The following HPCAL1 variants were observed in gnomAD, a reference collection of about 807,000 sequenced individuals.
HPCAL1 encodes hippocalcin-like protein 1.
In HPCAL1, 8 loss-of-function variants were observed where a neutral mutation model predicts 17.1. The observed-to-expected ratio is 0.47, with a 90% CI of 0.27 to 0.84. The LOEUF is 0.84. Among genes scored for constraint, HPCAL1 ranks in the 40% least tolerant of loss-of-function variants. HPCAL1 has a pLI of 0.13. For missense variants in HPCAL1, 165 were observed against 271.1 expected, an observed-to-expected ratio of 0.61 and a Z score of 2.75; for synonymous variants, 112 against 111.4, an observed-to-expected ratio of 1.01 and a Z score of -0.03.
chr2:10,405,803 T>C (rs1181868546), intron 2 of HPCAL1, among the ~76,000 whole-genome samples: 1 of 152,202 alleles, frequency 6.6e-6, no homozygotes, highest in Non-Finnish European at 1.5e-5. Context: ...GGGCCACATC[T>C]AGAGGGACTG....
rs1357564285 is a variant in HPCAL1 at position 10,427,306 on chromosome 2, T to G, written c.*485T>G. On this transcript the variant is annotated 3_prime_UTR_variant, in exon 5 of 5. Coordinates refer to ENST00000307845, the MANE Select transcript of HPCAL1 (RefSeq NM_002149.4). ...CACAGCCGCTTGCACGTATAGATACTGTGGTCCCCTTTCTTTTAATATATA... is the reference window on the plus strand; with the variant it reads ...CACAGCCGCTTGCACGTATAGATACGGTGGTCCCCTTTCTTTTAATATATA... The G allele has an allele frequency of 6.3e-6, 1 of 159,424 alleles. No homozygotes were observed. The highest frequency in any genetic ancestry group is 1.8e-4 in the East Asian group (1 of 5,486). The allele number at this position is 159,424 out of a possible 1,614,324, so 9.9% of individuals were successfully genotyped here. A position where few individuals can be genotyped will look rare whatever the true frequency, so the allele number is the denominator to read the frequency against.
At chr2:10,391,845 G>T (rs1406718228) in intron 1 of HPCAL1, among the ~76,000 whole-genome samples, 1 of 152,064 alleles carries the variant, frequency 6.6e-6, no homozygotes, top group Non-Finnish European at 1.5e-5. Flanking sequence ...GCCCCTCCAG[G>T]TTTAAGCAGT....
intron 2 of HPCAL1, among the ~76,000 whole-genome samples, chr2:10,415,923 T>G (rs998816377): frequency 6.6e-6 from 1 of 152,188 alleles, no homozygotes; most frequent in African/African-American, 2.4e-5. Context: ...GCTGACTCAG[T>G]GGCCCCACAC....
At chr2:10,380,119 T>G (rs1667848162) in intron 1 of HPCAL1, among the ~76,000 whole-genome samples, 1 of 152,222 alleles carries the variant, frequency 6.6e-6, no homozygotes, top group African/African-American at 2.4e-5. Flanking sequence ...CTGAGTGTGT[T>G]GTGCAATTGT....
intron 1 of HPCAL1, among the ~76,000 whole-genome samples, chr2:10,373,589 GT>G (rs1252324040): frequency 6.6e-6 from 1 of 151,662 alleles, no homozygotes; most frequent in Non-Finnish European, 1.5e-5. Context: ...TTTGTTTTTT[GT>G]TTTTTTATGT....
intron 1 of HPCAL1, chr2:10,369,133 C>T (rs1424376543): frequency 6.6e-6 from 1 of 152,262 alleles, no homozygotes; most frequent in African/African-American, 2.4e-5. Flanking sequence ...AGGCTGAAAA[C>T]CCTGTGCCGG....
At position 10,399,548 on chromosome 2, in the gene HPCAL1, C is replaced by G. The variant is rs1270728825; in HGVS notation, c.-25+2628C>G. On this transcript the variant is annotated intron_variant, in intron 2 of 4. Transcript: ENST00000307845. ...CCGCCACTGCCACCGCCACCATCAC[C>G]GCCACCACTACCGCCACCGCCACCA... 1.4e-3 allele frequency among the ~76,000 whole-genome samples: 170 copies of G among 119,856 alleles called. 6 individuals are homozygous for G. The highest frequency in any genetic ancestry group is 6.1e-3 in the African/African-American group (160 of 26,224). 78.6% of individuals were successfully genotyped at this position (119,856 alleles called of 152,430 possible). A position where few individuals can be genotyped will look rare whatever the true frequency, so the allele number is the denominator to read the frequency against.
intron 1 of HPCAL1, among the ~76,000 whole-genome samples, chr2:10,393,998 C>T (rs933329353): frequency 6.6e-6 from 1 of 151,642 alleles, no homozygotes; most frequent in African/African-American, 2.4e-5. Context: ...ACCTGTAGTC[C>T]CAGTTACTTG....
intron 1 of HPCAL1, among the ~76,000 whole-genome samples, chr2:10,361,464 C>G (rs557657625): frequency 6.6e-6 from 1 of 152,254 alleles, no homozygotes; most frequent in East Asian, 1.9e-4. Context: ...GACTTATCTT[C>G]TCATTGTTCT....
chr2:10,423,122 C>T lies in HPCAL1; in HGVS notation c.484+34C>T, dbSNP rs771401931. ...GGGTGGGGGCGGGGCTGCATGTGTACGCCACGGTAGGGGCAAAACCATGTG... is the reference window on the plus strand; with the variant it reads ...GGGTGGGGGCGGGGCTGCATGTGTATGCCACGGTAGGGGCAAAACCATGTG... On this transcript the variant is annotated intron_variant, in intron 4 of 4. Coordinates refer to ENST00000307845, the MANE Select transcript of HPCAL1 (RefSeq NM_002149.4). The T allele has an allele frequency of 1.9e-5, 28 of 1,486,702 alleles. No individual in the cohort carries two copies. The East Asian group carries it at 2.9e-4, about 16-fold the overall frequency. The allele number at this position is 1,486,702 out of a possible 1,614,324, so 92.1% of individuals were successfully genotyped here.
chr2:10,364,647 C>T (rs1180808064), intron 1 of HPCAL1, among the ~76,000 whole-genome samples: 3 of 150,910 alleles, frequency 2.0e-5, no homozygotes, highest in East Asian at 2.0e-4. Flanking sequence ...TGCGGTGGTG[C>T]GATCATGGCT....
chr2:10,332,030 A>G (rs1055132328), intron 1 of HPCAL1, among the ~76,000 whole-genome samples: 6 of 138,490 alleles, frequency 4.3e-5, no homozygotes, highest in Non-Finnish European at 8.0e-5. Flanking sequence ...CACAGGGAGC[A>G]CTCCTTGTCA....
rs1388471281 is a variant in HPCAL1, at chr2:10,342,106, G to T, written c.-111+38929G>T. Among the ~76,000 whole-genome samples the T allele has an allele frequency of 6.6e-6, 1 of 152,042 alleles. No homozygotes were observed. The highest frequency in any genetic ancestry group is 2.4e-5 in the African/African-American group (1 of 41,366). On this transcript the variant is annotated intron_variant, in intron 1 of 4. Transcript: ENST00000307845. The surrounding 1 kb of genome is among the most constrained non-coding windows in gnomAD (Gnocchi z 4.1). ...GATGACTTGAGCCCAGGAGGTTGAG[G>T]CTACAGTGAGCTCTGATTGTGCCGC...
At chr2:10,424,191 G>A (rs1267118509) in intron 4 of HPCAL1, 22 of 302,584 alleles carry the variant, frequency 7.3e-5, no homozygotes, top group East Asian at 1.7e-4. Flanking sequence ...TGCAGCCCTC[G>A]GGTGAGTTAA....
chr2:10,313,652 G>A (rs936051100), intron 1 of HPCAL1, among the ~76,000 whole-genome samples: 2 of 152,206 alleles, frequency 1.3e-5, no homozygotes, highest in Non-Finnish European at 2.9e-5. Context: ...GACTTGGCAT[G>A]GGAGACATTG....
At position 10,362,568 on chromosome 2, in the gene HPCAL1, GTGTTC is replaced by G. The variant is rs934447015; in HGVS notation, c.-110-34262_-110-34258del. ...CTGGGCGATGGGGAAGGCCTCCACG[GTGTTC>G]TGTTGTAATGTTCTGCCACTTGGCA... On this transcript the variant is annotated intron_variant, in intron 1 of 4. Coordinates refer to ENST00000307845, the MANE Select transcript of HPCAL1 (RefSeq NM_002149.4). The surrounding 1 kb of genome is among the most constrained non-coding windows in gnomAD (Gnocchi z 5.0). 4.1e-4 allele frequency among the ~76,000 whole-genome samples: 62 copies of G among 152,314 alleles called. No individual in the cohort carries two copies. In the Middle Eastern group the frequency reaches 0.01, roughly 25 times the overall value.
At position 10,410,092 on chromosome 2, in the gene HPCAL1, C is replaced by T. The variant is rs1670255185; in HGVS notation, c.-24-9642C>T. Among the ~76,000 whole-genome samples, 3 of 152,132 alleles carry T rather than the reference C, an allele frequency of 2.0e-5. No individual in the cohort carries two copies. The South Asian group carries it at 6.2e-4, about 32-fold the overall frequency. ...GTGTGAGCCACGGCGCCCCGGCCAG[C>T]CTGGGTCTCTCATAAGCATTTGGTG... On this transcript the variant is annotated intron_variant, in intron 2 of 4. Coordinates refer to ENST00000307845, the MANE Select transcript of HPCAL1 (RefSeq NM_002149.4).
intron 1 of HPCAL1, among the ~76,000 whole-genome samples, chr2:10,378,484 T>C (rs567612159): frequency 1.3e-5 from 2 of 152,208 alleles, no homozygotes; most frequent in South Asian, 4.2e-4. Flanking sequence ...GCGTCCGCAT[T>C]GTCAGGTTCT....
chr2:10,412,628 G>A (rs533138512), intron 2 of HPCAL1, among the ~76,000 whole-genome samples: 7 of 152,340 alleles, frequency 4.6e-5, no homozygotes, highest in South Asian at 4.1e-4. Flanking sequence ...AATGTAGTCC[G>A]GCTGTGTGCC....
Sources: allele counts gnomAD v4.1 joint callset (sites outside exome capture counted in the v4.1 genomes callset), GRCh38; gene constraint gnomAD v4.1.1; non-coding constraint Gnocchi (gnomAD v3.1); transcripts MANE v1.5; gene names NCBI Gene and HGNC (gene_info 2026-07-23, HGNC 2026-07-21).